Variants in HDAC9 observed in about 807,000 individuals in gnomAD.
HDAC9 encodes histone deacetylase 9, also known as MEF-2 interacting transcription repressor (MITR) protein.
In HDAC9, 41 loss-of-function variants were observed where a neutral mutation model predicts 139.4. The observed-to-expected ratio is 0.29, with a 90% CI of 0.23 to 0.38. The LOEUF is 0.38. Ranked by LOEUF, HDAC9 falls within the 10% of genes least tolerant of loss-of-function variation. The pLI is 1.00. For synonymous variants in HDAC9, 517 were observed against 476.2 expected (o/e 1.09, Z -1.12); for missense variants, 1,147 against 1,297.0 (o/e 0.88, Z 1.78).
chr7:18,857,400 CTTTTTTG>C (rs1797773195), intron 21 of HDAC9, among the ~76,000 whole-genome samples: 2 of 146,174 alleles, frequency 1.4e-5, no homozygotes. Context: ...GTGAAATGTA[CTTTTTTG>C]TTTGTTGTGG....
At chr7:18,517,467 C>G (rs1803602030) in intron 2 of HDAC9, among the ~76,000 whole-genome samples, 1 of 152,158 alleles carries the variant, frequency 6.6e-6, no homozygotes, top group Admixed American at 6.5e-5. Context: ...GAGCTGCCTG[C>G]ATTATTTCCT....
chr7:18,087,231 A>C (rs960918703), intron 1 of HDAC9: 1 of 152,378 alleles, frequency 6.6e-6, no homozygotes, highest in Non-Finnish European at 1.5e-5. Flanking sequence ...GCACCACGGC[A>C]GAGTCCCCGG....
At chr7:18,986,940 T>A (rs1563108613) in intron 25 of HDAC9, among the ~76,000 whole-genome samples, 1 of 152,244 alleles carries the variant, frequency 6.6e-6, no homozygotes, top group Non-Finnish European at 1.5e-5. Context: ...TTTGCTGAAG[T>A]TGCTTATCAG....
At chr7:18,299,220 A>ATTT (rs11438085) in intron 1 of HDAC9, among the ~76,000 whole-genome samples, 13 of 139,002 alleles carry the variant, frequency 9.4e-5, no homozygotes, top group Admixed American at 2.9e-4. Context: ...AACTCTTAAG[A>ATTT]TTTTTTTTTT....
chr7:18,791,615 G>C (rs549970384), intron 16 of HDAC9, among the ~76,000 whole-genome samples: 1 of 152,174 alleles, frequency 6.6e-6, no homozygotes, highest in East Asian at 1.9e-4. Flanking sequence ...TGATGGTATC[G>C]ACTATGATAG....
At chr7:18,277,367 G>A (rs1230690310) in intron 2 of HDAC9, among the ~76,000 whole-genome samples, 1 of 152,140 alleles carries the variant, frequency 6.6e-6, no homozygotes, top group African/African-American at 2.4e-5. Flanking sequence ...CAGCAAAAAG[G>A]AGACGAGATG....
chr7:18,954,172 C>T lies in HDAC9; in HGVS notation c.2964C>T (p.Leu988=), dbSNP rs1306700551. ...TGGAGCCACTTGCAGAAGATATTCT[C>T]CACCAAAGCCCGAATATGAATGCTG... The part of the protein sequence containing the change: ...NELEPLAEDI[L]HQSPNMNAVI... The change falls in exon 24 of 26, where the codon CTC becomes CTT. Residue 988 remains leucine, a synonymous_variant. Transcript: ENST00000686413. 8 of 1,572,896 alleles carry T rather than the reference C, an allele frequency of 5.1e-6. No homozygotes were observed. The highest frequency in any genetic ancestry group is 6.9e-6 in the Non-Finnish European group (8 of 1,153,556).
At chr7:18,990,828 C>A (rs1023746120) in intron 25 of HDAC9, among the ~76,000 whole-genome samples, 2 of 152,232 alleles carry the variant, frequency 1.3e-5, no homozygotes, top group African/African-American at 4.8e-5. Context: ...CCGTCTGTCA[C>A]CCCTTTGACT....
At chr7:18,122,943 T>TG (rs1784445284) in intron 1 of HDAC9, among the ~76,000 whole-genome samples, 1 of 152,202 alleles carries the variant, frequency 6.6e-6, no homozygotes, top group African/African-American at 2.4e-5. Context: ...AGATTTCTGC[T>TG]AGGGTTTTTT....
At chr7:18,606,288 G>T (rs1454444706) in intron 6 of HDAC9, among the ~76,000 whole-genome samples, 1 of 152,130 alleles carries the variant, frequency 6.6e-6, no homozygotes, top group Non-Finnish European at 1.5e-5. Context: ...TTCACATGTG[G>T]AAATGAAACC....
At chr7:18,191,527 C>T (rs532320924) in intron 2 of HDAC9, among the ~76,000 whole-genome samples, 100 of 152,236 alleles carry the variant, frequency 6.6e-4, no homozygotes, top group African/African-American at 2.2e-3. Context: ...AATGTATTTC[C>T]TTGTGGCAGG....
chr7:18,635,587 G>A (rs1783636825), intron 8 of HDAC9, among the ~76,000 whole-genome samples: 1 of 152,036 alleles, frequency 6.6e-6, no homozygotes, highest in Non-Finnish European at 1.5e-5. Flanking sequence ...GAAATCACCT[G>A]TTTTGAAGTC....
Position 18,999,512 on chromosome 7 carries a change from A to C in HDAC9, c.*3450A>C, listed in dbSNP as rs898021935. On this transcript the variant is annotated 3_prime_UTR_variant, in exon 26 of 26. Coordinates refer to ENST00000686413, the MANE Select transcript of HDAC9 (RefSeq NM_178425.4). The stretch of plus-strand genomic sequence containing the variant: ...GCTCTTGGTGCCCAGGCTGGAGTGC[A>C]ATGGCGCAATCTCGACTCACTGCAA... 2 of 152,182 alleles carry C rather than the reference A, an allele frequency of 1.3e-5. No individual in the cohort carries two copies. Among genetic ancestry groups the C allele is most frequent in the African/African-American group, 4.8e-5 (2 of 41,418 alleles). The allele number at this position is 152,182 out of a possible 1,614,324, so 9.4% of individuals were successfully genotyped here. A position where few individuals can be genotyped will look rare whatever the true frequency, so the allele number is the denominator to read the frequency against.
intron 12 of HDAC9, chr7:18,667,134 C>T: frequency 1.0e-6 from 1 of 985,074 alleles, no homozygotes; most frequent in Non-Finnish European, 1.2e-6. Flanking sequence ...AATTGCAGCA[C>T]TACTTTAAAT....
In HDAC9 at chr7:18,203,611, G is replaced by A. The variant is rs187265580; in HGVS notation, c.25+41262G>A. Among the ~76,000 whole-genome samples the A allele has an allele frequency of 2.2e-4, 34 of 152,286 alleles. No individual in the cohort carries two copies. The East Asian group carries it at 6.2e-3, about 28-fold the overall frequency. The stretch of plus-strand genomic sequence containing the variant: ...GGAATAATGAAGGAACAGTTTTGGG[G>A]CAACCTAAAGTTTTACTTTAGTTTG... On this transcript the variant is annotated intron_variant, in intron 2 of 12. Transcript: ENST00000417496.
chr7:18,869,151 T>G (rs1393215266), intron 21 of HDAC9, among the ~76,000 whole-genome samples: 3 of 124,158 alleles, frequency 2.4e-5, no homozygotes, highest in Non-Finnish European at 4.9e-5. Flanking sequence ...AATTGGGGTG[T>G]GTGTGTGTGT....
intron 1 of HDAC9, among the ~76,000 whole-genome samples, chr7:18,393,997 G>A (rs973682353): frequency 6.6e-6 from 1 of 152,166 alleles, no homozygotes; most frequent in African/African-American, 2.4e-5. Flanking sequence ...ATAGAAGGCA[G>A]TCTGTTAATT....
intron 2 of HDAC9, among the ~76,000 whole-genome samples, chr7:18,167,667 G>A (rs2128131012): frequency 6.6e-6 from 1 of 152,236 alleles, no homozygotes; most frequent in African/African-American, 2.4e-5. Context: ...CTGGTGGGAG[G>A]GAAATTGAAG....
chr7:18,484,925 G>C (rs897381062), intron 1 of HDAC9, among the ~76,000 whole-genome samples: 2 of 151,350 alleles, frequency 1.3e-5, no homozygotes, highest in Non-Finnish European at 2.9e-5. Context: ...AACTAAACTT[G>C]GGTTCCAAAG....
Sources: allele counts gnomAD v4.1 joint callset (sites outside exome capture counted in the v4.1 genomes callset), GRCh38; gene constraint gnomAD v4.1.1; transcripts MANE v1.5; gene names NCBI Gene and HGNC (gene_info 2026-07-23, HGNC 2026-07-21).